Variants in MB21D2 observed in about 807,000 individuals in gnomAD.
MB21D2 encodes nucleotidyltransferase MB21D2.
In MB21D2, 9 loss-of-function variants were observed where a neutral mutation model predicts 33.3. The observed-to-expected ratio is 0.27, with a 90% confidence interval of 0.16 to 0.47. The LOEUF is 0.47. Ranked by LOEUF, MB21D2 falls within the 20% of genes least tolerant of loss-of-function variation. The probability of loss-of-function intolerance (pLI) is 0.99; values close to 1 mark genes in which losing one functional copy is unlikely to be tolerated. For missense variants in MB21D2, 540 were observed against 624.6 expected, an observed-to-expected ratio of 0.86 and a Z score of 1.44; for synonymous variants, 241 against 236.3, an observed-to-expected ratio of 1.02 and a Z score of -0.18.
At chr3:192,892,199 G>A (rs1410328022) in intron 1 of MB21D2, among the ~76,000 whole-genome samples, 2 of 152,142 alleles carry the variant, frequency 1.3e-5, no homozygotes, top group Non-Finnish European at 2.9e-5. Context: ...TGCCCGTGAG[G>A]CAGGGTCCAT....
intron 1 of MB21D2, among the ~76,000 whole-genome samples, chr3:192,851,812 G>T (rs926233054): frequency 3.3e-5 from 5 of 152,076 alleles, no homozygotes; most frequent in Non-Finnish European, 5.9e-5. Context: ...TTTTTAAAAG[G>T]TTATTATTAT....
intron 1 of MB21D2, among the ~76,000 whole-genome samples, chr3:192,820,741 C>T (rs1304068916): frequency 6.6e-6 from 1 of 152,348 alleles, no homozygotes; most frequent in Non-Finnish European, 1.5e-5. Flanking sequence ...CTACCTAACT[C>T]GCGCTCCACC....
chr3:192,804,011 T>C (rs1034773443), intron 1 of MB21D2, among the ~76,000 whole-genome samples: 2 of 152,232 alleles, frequency 1.3e-5, no homozygotes, highest in Non-Finnish European at 2.9e-5. Flanking sequence ...ACTCAACCTC[T>C]TTTCCTGTAA....
chr3:192,814,598 C>T (rs1711871549), intron 1 of MB21D2, among the ~76,000 whole-genome samples: 1 of 152,066 alleles, frequency 6.6e-6, no homozygotes. Flanking sequence ...CGCGGTGGCT[C>T]ACACCTGTAA....
chr3:192,842,559 C>T (rs1234459202), intron 1 of MB21D2, among the ~76,000 whole-genome samples: 1 of 152,172 alleles, frequency 6.6e-6, no homozygotes, highest in African/African-American at 2.4e-5. Flanking sequence ...CCAAATTACA[C>T]TATCTTTAAT....
At chr3:192,821,226 T>C (rs1223810994) in intron 1 of MB21D2, among the ~76,000 whole-genome samples, 1 of 152,206 alleles carries the variant, frequency 6.6e-6, no homozygotes, top group Non-Finnish European at 1.5e-5. Context: ...GTTATTAATC[T>C]TTATAATGCC....
chr3:192,800,367 A>G (rs1711531158), intron 1 of MB21D2, among the ~76,000 whole-genome samples: 1 of 152,094 alleles, frequency 6.6e-6, no homozygotes, highest in East Asian at 1.9e-4. Flanking sequence ...GGCATGAGCT[A>G]CCACGCCCAG....
chr3:192,889,408 G>A (rs1421518699), intron 1 of MB21D2, among the ~76,000 whole-genome samples: 1 of 152,120 alleles, frequency 6.6e-6, no homozygotes, highest in Non-Finnish European at 1.5e-5. Context: ...AATTCAATGG[G>A]CTGCTTATTA....
chr3:192,817,121 C>T (rs1229879220), intron 1 of MB21D2, among the ~76,000 whole-genome samples: 2 of 152,174 alleles, frequency 1.3e-5, no homozygotes, highest in Non-Finnish European at 2.9e-5. Context: ...TCTATTCTAT[C>T]ACTTCCCTCC....
chr3:192,867,977 C>T (rs748251456), intron 1 of MB21D2, among the ~76,000 whole-genome samples: 3 of 152,092 alleles, frequency 2.0e-5, no homozygotes, highest in Non-Finnish European at 4.4e-5. Context: ...GGGAAAAATG[C>T]TTGGTCAGTG....
intron 1 of MB21D2, among the ~76,000 whole-genome samples, chr3:192,809,265 T>C (rs1711734350): frequency 6.6e-6 from 1 of 152,188 alleles, no homozygotes; most frequent in Non-Finnish European, 1.5e-5. Flanking sequence ...CTGGCTAATT[T>C]TTGTATTTTT....
At chr3:192,874,279 G>A (rs1713382279) in intron 1 of MB21D2, among the ~76,000 whole-genome samples, 1 of 152,082 alleles carries the variant, frequency 6.6e-6, no homozygotes. Flanking sequence ...TAAAAAAGAA[G>A]AAAAAGCATT....
At position 192,798,954 on chromosome 3, in the gene MB21D2, G is replaced by C. The variant is rs996917982; in HGVS notation, c.908C>G (p.Ser303Cys). Residue 303 changes from serine to cysteine, a missense_variant, in exon 2 of 2, where the codon TCC becomes TGC. Transcript: ENST00000392452. This position sits in a 1 kb window ranked among gnomAD's most constrained non-coding sequence, Gnocchi z 4.8. ...CTGATAGGCCTGCATGAGGCTGCTG[G>C]AGATGCACTTCTTCAACTGCACCTC... Reference protein sequence around the residue: ...RSEVQLKKCISSSLMQAYQAC... With the variant: ...RSEVQLKKCICSSLMQAYQAC... The C allele has an allele frequency of 1.2e-6, 2 of 1,614,032 alleles. No homozygotes were observed. Among genetic ancestry groups the C allele is most frequent in the Admixed American group, 1.7e-5 (1 of 60,020 alleles).
intron 1 of MB21D2, among the ~76,000 whole-genome samples, chr3:192,839,094 T>C (rs1379385048): frequency 6.6e-6 from 1 of 152,148 alleles, no homozygotes; most frequent in Non-Finnish European, 1.5e-5. Context: ...AGGGGGTGGA[T>C]TGGGAGGCAA....
In MB21D2 at chr3:192,798,735, T is replaced by C. The variant is rs1243119475; in HGVS notation, c.1127A>G (p.Asn376Ser). The C allele has an allele frequency of 7.4e-6, 12 of 1,613,318 alleles. No homozygotes were observed. The highest frequency in any genetic ancestry group is 1.6e-4 in the Middle Eastern group (1 of 6,084). ...QHCLVNKMCP[N>S]YFIPQCNMLE... ...CATGTTGCACTGAGGGATGAAATAATTGGGGCACATCTTGTTGACCAGACA... is the reference window on the plus strand; with the variant it reads ...CATGTTGCACTGAGGGATGAAATAACTGGGGCACATCTTGTTGACCAGACA... The change falls in exon 2 of 2, where the codon AAT becomes AGT. Residue 376 changes from asparagine (N) to serine (S), a missense_variant. Transcript: ENST00000392452. This position sits in a 1 kb window ranked among gnomAD's most constrained non-coding sequence, Gnocchi z 4.8.
At chr3:192,837,792 C>T (rs1712472069) in intron 1 of MB21D2, among the ~76,000 whole-genome samples, 1 of 152,268 alleles carries the variant, frequency 6.6e-6, no homozygotes, top group Middle Eastern at 3.4e-3. Flanking sequence ...ATTTGAGAAA[C>T]ACACACACAT....
intron 1 of MB21D2, among the ~76,000 whole-genome samples, chr3:192,872,243 T>C (rs1180708950): frequency 6.6e-6 from 1 of 152,144 alleles, no homozygotes; most frequent in Non-Finnish European, 1.5e-5. Context: ...GAGCTCACTG[T>C]TTGCCTTCTG....
intron 1 of MB21D2, among the ~76,000 whole-genome samples, chr3:192,852,285 T>C (rs1014544054): frequency 6.6e-6 from 1 of 152,232 alleles, no homozygotes; most frequent in Non-Finnish European, 1.5e-5. Flanking sequence ...TCGATGTAAT[T>C]GCTACAAAAG....
At chr3:192,855,255 C>T (rs948957776) in intron 1 of MB21D2, among the ~76,000 whole-genome samples, 18 of 152,082 alleles carry the variant, frequency 1.2e-4, no homozygotes, top group Non-Finnish European at 2.2e-4. Flanking sequence ...CCTACCACCG[C>T]GCCTGGCTAA....
Sources: allele counts gnomAD v4.1 joint callset (sites outside exome capture counted in the v4.1 genomes callset), GRCh38; gene constraint gnomAD v4.1.1; non-coding constraint Gnocchi (gnomAD v3.1); transcripts MANE v1.5; gene names NCBI Gene and HGNC (gene_info 2026-07-23, HGNC 2026-07-21).